Variants in NEGR1 observed in about 807,000 individuals in gnomAD.
NEGR1 encodes the protein IgLON family member 4.
A neutral mutation model predicts 40.9 loss-of-function variants in NEGR1; 10 were observed. That is an observed-to-expected ratio of 0.24 (90% CI 0.15 to 0.42). The LOEUF is 0.42. Ranked by LOEUF, NEGR1 falls within the 10% of genes least tolerant of loss-of-function variation. NEGR1 has a pLI of 1.00. For missense variants in NEGR1, 352 were observed against 438.9 expected, an observed-to-expected ratio of 0.80 and a Z score of 1.77; for synonymous variants, 185 against 166.8, an observed-to-expected ratio of 1.11 and a Z score of -0.84.
At chr1:71,770,674 A>G (rs979394472) in intron 3 of NEGR1, among the ~76,000 whole-genome samples, 1 of 152,192 alleles carries the variant, frequency 6.6e-6, no homozygotes, top group Non-Finnish European at 1.5e-5. Context: ...GTGACTCCTA[A>G]TGGTCAAACT....
intron 2 of NEGR1, among the ~76,000 whole-genome samples, chr1:71,793,183 C>CTT (rs749712938): frequency 3.2e-5 from 3 of 92,764 alleles, no homozygotes; most frequent in East Asian, 3.1e-4. Flanking sequence ...TTGGGATGTT[C>CTT]TTTTTTTTTT....
intron 5 of NEGR1, among the ~76,000 whole-genome samples, chr1:71,597,799 G>A (rs1432509639): frequency 2.0e-5 from 3 of 151,746 alleles, no homozygotes; most frequent in African/African-American, 7.3e-5. Flanking sequence ...TGTAGTCCCT[G>A]CTACTCGGAG....
intron 4 of NEGR1, among the ~76,000 whole-genome samples, chr1:71,667,338 G>C (rs534178139): frequency 1.5e-4 from 23 of 152,284 alleles, no homozygotes; most frequent in African/African-American, 5.5e-4. Flanking sequence ...AATGAATTAA[G>C]CTCTTCTGTG....
At chr1:72,107,139 G>C (rs1256543425) in intron 1 of NEGR1, among the ~76,000 whole-genome samples, 1 of 151,704 alleles carries the variant, frequency 6.6e-6, no homozygotes, top group Non-Finnish European at 1.5e-5. Context: ...TCAACTGATT[G>C]AAAGACTACA....
At chr1:71,712,105 T>C (rs574253954) in intron 3 of NEGR1, among the ~76,000 whole-genome samples, 1 of 152,304 alleles carries the variant, frequency 6.6e-6, no homozygotes, top group South Asian at 2.1e-4. Flanking sequence ...TGTTCATGGA[T>C]ACATGACTAT....
At chr1:71,942,801 CT>C (rs1645978870) in intron 1 of NEGR1, among the ~76,000 whole-genome samples, 1 of 149,384 alleles carries the variant, frequency 6.7e-6, no homozygotes, top group Non-Finnish European at 1.5e-5. Flanking sequence ...CGCGCCCGGC[CT>C]AAATCTATAT....
At chr1:71,817,012 T>C (rs1236677386) in intron 2 of NEGR1, among the ~76,000 whole-genome samples, 2 of 151,978 alleles carry the variant, frequency 1.3e-5, no homozygotes, top group African/African-American at 4.8e-5. Context: ...TCCCATTCCT[T>C]TATTTGCCTC....
intron 1 of NEGR1, among the ~76,000 whole-genome samples, chr1:72,032,950 AG>A (rs1395419517): frequency 6.6e-6 from 1 of 152,166 alleles, no homozygotes; most frequent in African/African-American, 2.4e-5. Flanking sequence ...AACAGAGCCT[AG>A]CACAGAATAA....
intron 3 of NEGR1, among the ~76,000 whole-genome samples, chr1:71,732,988 C>A (rs12039538): frequency 0.089 from 13,483 of 151,864 alleles, 821 homozygotes; most frequent in East Asian, 0.17. Flanking sequence ...ACTTCCAGAG[C>A]CTTTAATATG....
chr1:71,431,259 T>C (rs1646466762), intron 6 of NEGR1, among the ~76,000 whole-genome samples: 1 of 152,106 alleles, frequency 6.6e-6, no homozygotes, highest in Non-Finnish European at 1.5e-5. Flanking sequence ...TTCAGTTTAT[T>C]TAACACTAAA....
intron 2 of NEGR1, among the ~76,000 whole-genome samples, chr1:71,817,280 C>G (rs912314007): frequency 2.0e-5 from 3 of 152,056 alleles, no homozygotes; most frequent in African/African-American, 7.2e-5. Context: ...CTGGCTCAAA[C>G]AGCCCACATT....
intron 1 of NEGR1, among the ~76,000 whole-genome samples, chr1:72,218,559 A>G (rs1272264472): frequency 6.6e-6 from 1 of 152,050 alleles, no homozygotes; most frequent in Admixed American, 6.6e-5. Flanking sequence ...AAACTGAATT[A>G]ACATATAAAT....
At chr1:71,816,723 G>T (rs2101770112) in intron 2 of NEGR1, among the ~76,000 whole-genome samples, 1 of 151,998 alleles carries the variant, frequency 6.6e-6, no homozygotes, top group Admixed American at 6.6e-5. Context: ...GTAGGAAATT[G>T]CTCCTGTTCC....
intron 1 of NEGR1, among the ~76,000 whole-genome samples, chr1:72,032,496 A>C (rs2100441439): frequency 6.6e-6 from 1 of 152,304 alleles, no homozygotes; most frequent in South Asian, 2.1e-4. Flanking sequence ...TACTCTTCTC[A>C]GTATTAATTA....
chr1:72,249,177 T>C (rs987074028), intron 1 of NEGR1, among the ~76,000 whole-genome samples: 9 of 145,862 alleles, frequency 6.2e-5, no homozygotes, highest in Admixed American at 4.7e-4. Context: ...AAACCCTTTG[T>C]CCCTTCCACC....
chr1:72,282,137 T>C (rs1656278428), intron 1 of NEGR1, among the ~76,000 whole-genome samples, 182 bp downstream of exon 1: 1 of 152,176 alleles, frequency 6.6e-6, no homozygotes, highest in Non-Finnish European at 1.5e-5. Context: ...GCTTGCTACC[T>C]GCCCCAGCAT....
intron 1 of NEGR1, among the ~76,000 whole-genome samples, chr1:72,236,404 C>T (rs1292688124): frequency 6.6e-6 from 1 of 151,464 alleles, no homozygotes; most frequent in African/African-American, 2.4e-5. Context: ...GCGTTCTGCA[C>T]ATGTATCCCA....
chr1:71,479,888 G>A (rs1360619340), intron 6 of NEGR1, among the ~76,000 whole-genome samples: 1 of 151,834 alleles, frequency 6.6e-6, no homozygotes, highest in Non-Finnish European at 1.5e-5. Context: ...GTGATTGCTT[G>A]CCTGTAAATA....
intron 2 of NEGR1, among the ~76,000 whole-genome samples, chr1:71,843,632 G>T (rs910727069): frequency 6.6e-6 from 1 of 151,974 alleles, no homozygotes; most frequent in Non-Finnish European, 1.5e-5. Context: ...ATAACAATTG[G>T]GGTAGTAAAA....
Sources: gnomAD v4.1 joint callset for allele counts (sites outside exome capture counted in the v4.1 genomes callset) on GRCh38, gnomAD v4.1.1 for gene constraint, MANE v1.5 for transcripts, NCBI Gene and HGNC (gene_info 2026-07-23, HGNC 2026-07-21) for gene names.